Variants in ZFHX3 observed in about 807,000 individuals in gnomAD.
The protein encoded by ZFHX3 is zinc finger homeobox protein 3.
In ZFHX3, 42 loss-of-function variants were observed where a neutral mutation model predicts 279.1. The observed-to-expected ratio is 0.15, with a 90% confidence interval of 0.12 to 0.19. The LOEUF is 0.19. Among genes scored for constraint, ZFHX3 ranks in the 10% least tolerant of loss-of-function variants. The pLI, the probability that ZFHX3 is intolerant of heterozygous loss-of-function variation, is 1.00. For missense variants in ZFHX3, 4,981 were observed against 4,754.0 expected (o/e 1.05, Z -1.40); for synonymous variants, 2,293 against 1,957.8 (o/e 1.17, Z -4.52).
chr16:73,248,533 G>A (rs1448415650), intron 5 of ZFHX3, among the ~76,000 whole-genome samples: 2 of 151,048 alleles, frequency 1.3e-5, no homozygotes, highest in Admixed American at 6.6e-5. Context: ...ATATGTGTCT[G>A]TGTGTACATG....
intron 5 of ZFHX3, among the ~76,000 whole-genome samples, chr16:73,213,764 C>T (rs2012101525): frequency 1.3e-5 from 2 of 152,144 alleles, no homozygotes; most frequent in African/African-American, 4.8e-5. Context: ...TTTGAAGTTT[C>T]TGGCTTTCTC....
At chr16:73,741,943 C>T (rs946940118) in intron 1 of ZFHX3, among the ~76,000 whole-genome samples, 2 of 152,170 alleles carry the variant, frequency 1.3e-5, no homozygotes, top group Non-Finnish European at 2.9e-5. Context: ...AAACCTTAAT[C>T]ATTTACAAAG....
At chr16:72,935,723 C>T (rs11862411) in intron 3 of ZFHX3, among the ~76,000 whole-genome samples, 7 of 146,550 alleles carry the variant, frequency 4.8e-5, no homozygotes, top group African/African-American at 1.8e-4. Flanking sequence ...GACAGAGTGA[C>T]ACTCTGTCTT....
intron 1 of ZFHX3, among the ~76,000 whole-genome samples, chr16:73,684,695 C>CTT (rs201167110): frequency 5.1e-5 from 7 of 137,490 alleles, no homozygotes; most frequent in African/African-American, 1.2e-4. Context: ...CACAAGGGTC[C>CTT]TTTTTTTTTT....
At chr16:72,992,497 A>G (rs1303858423) in intron 1 of ZFHX3, among the ~76,000 whole-genome samples, 1 of 152,174 alleles carries the variant, frequency 6.6e-6, no homozygotes, top group African/African-American at 2.4e-5. Flanking sequence ...TAGTAATTGC[A>G]GCTTCTAACT....
intron 5 of ZFHX3, among the ~76,000 whole-genome samples, chr16:73,202,911 T>C (rs60588849): frequency 3.3e-4 from 41 of 125,976 alleles, no homozygotes; most frequent in African/African-American, 1.3e-3. Context: ...TTCTTTCTTT[T>C]TTTTTTTTTT....
intron 4 of ZFHX3, among the ~76,000 whole-genome samples, chr16:73,291,619 C>T (rs2014773288): frequency 6.6e-6 from 1 of 152,220 alleles, no homozygotes; most frequent in Admixed American, 6.5e-5. Context: ...GCCTCTCCCT[C>T]TCTGTAATGG....
chr16:73,136,786 C>T (rs1329360702), intron 6 of ZFHX3, among the ~76,000 whole-genome samples: 1 of 138,042 alleles, frequency 7.2e-6, no homozygotes, highest in Admixed American at 7.2e-5. Flanking sequence ...TTGCACCAAT[C>T]AAATAAGACA....
intron 4 of ZFHX3, among the ~76,000 whole-genome samples, chr16:72,867,022 A>G (rs2038039275): frequency 6.6e-6 from 1 of 152,212 alleles, no homozygotes; most frequent in Admixed American, 6.5e-5. Context: ...TGGAGAGGGA[A>G]CTGTGTAGAA....
At chr16:73,142,018 C>T (rs80193913) in intron 6 of ZFHX3, among the ~76,000 whole-genome samples, 27,020 of 152,152 alleles carry the variant, frequency 0.18, 2,725 homozygotes, top group Admixed American at 0.32. Context: ...AACAAGGCTG[C>T]GATGAAGGCT....
intron 3 of ZFHX3, among the ~76,000 whole-genome samples, chr16:73,348,222 C>T (rs943358562): frequency 8.5e-5 from 13 of 152,206 alleles, no homozygotes; most frequent in Middle Eastern, 3.4e-3. Flanking sequence ...TAATTACATC[C>T]GAAGCACTCG....
intron 1 of ZFHX3, among the ~76,000 whole-genome samples, chr16:73,058,047 C>T (rs1239786102): frequency 6.9e-6 from 1 of 145,906 alleles, no homozygotes; most frequent in African/African-American, 2.5e-5. Flanking sequence ...CCCCCACCGC[C>T]GGCCGCCGCC....
intron 2 of ZFHX3, among the ~76,000 whole-genome samples, chr16:73,636,172 CCTTAA>C (rs1338957489): frequency 2.0e-5 from 3 of 152,172 alleles, no homozygotes; most frequent in African/African-American, 7.2e-5. Flanking sequence ...AGATCACTTT[CCTTAA>C]CTTGACGTCT....
rs750029557 is a variant in ZFHX3 at position 73,328,058 on chromosome 16, T to A, written c.-1290-9722A>T. 1.1e-3 allele frequency among the ~76,000 whole-genome samples: 169 copies of A among 152,348 alleles called. 1 individual carries two copies. Among genetic ancestry groups the A allele is most frequent in the Non-Finnish European group, 2.9e-4 (20 of 68,036 alleles). ...TATTTGACCATTTTCCTATGCTTTT[T>A]AAATTTAATTTAATTTTTATTTATT... is the stretch of plus-strand genomic sequence containing the variant. On this transcript the variant is annotated intron_variant, in intron 3 of 17. Coordinates refer to the ZFHX3 transcript ENST00000641206.
At chr16:72,881,403 C>A (rs144244326) in intron 4 of ZFHX3, among the ~76,000 whole-genome samples, 2 of 152,142 alleles carry the variant, frequency 1.3e-5, no homozygotes, top group East Asian at 3.9e-4. Context: ...TAATTTGGAA[C>A]CATAATTCTT....
rs904954956 is a variant in ZFHX3, at chr16:73,143,883, C to A, written c.-1103-52G>T. The A allele has an allele frequency of 6.7e-6, 5 of 750,214 alleles. No individual in the cohort carries two copies. In the African/African-American group the frequency reaches 9.2e-5, roughly 14 times the overall value. The allele number at this position is 750,214 out of a possible 1,614,324, so 46.5% of individuals were successfully genotyped here. ...CACGGTTGGGGAGATGTTTGGCAAACCTTCGCAGGCCAAGTGGCTAATGAA... is the reference window on the plus strand; with the variant it reads ...CACGGTTGGGGAGATGTTTGGCAAAACTTCGCAGGCCAAGTGGCTAATGAA... On this transcript the variant is annotated intron_variant, in intron 5 of 17. Transcript: ENST00000641206.
At chr16:73,501,313 T>A (rs1183378004) in intron 2 of ZFHX3, among the ~76,000 whole-genome samples, 2 of 152,242 alleles carry the variant, frequency 1.3e-5, no homozygotes, top group African/African-American at 2.4e-5. Flanking sequence ...ATATCTTCAC[T>A]GTTAAGTGAT....
chr16:73,429,848 C>T (rs557989096), intron 3 of ZFHX3, among the ~76,000 whole-genome samples: 1 of 152,194 alleles, frequency 6.6e-6, no homozygotes, highest in East Asian at 1.9e-4. Flanking sequence ...TGGGGCTCTG[C>T]CTTCCCTGAC....
intron 3 of ZFHX3, among the ~76,000 whole-genome samples, chr16:73,358,455 C>T (rs967897882): frequency 3.9e-5 from 6 of 152,200 alleles, no homozygotes; most frequent in Admixed American, 1.3e-4. Flanking sequence ...GCAAATGACC[C>T]GGCGAGTGAG....
Sources: allele counts gnomAD v4.1 joint callset (sites outside exome capture counted in the v4.1 genomes callset), GRCh38; gene constraint gnomAD v4.1.1; transcripts MANE v1.5; gene names NCBI Gene and HGNC (gene_info 2026-07-23, HGNC 2026-07-21).